SLC24A3: variants seen among roughly 807,000 people sequenced by gnomAD.
SLC24A3 encodes the protein solute carrier family 24 member 3.
In SLC24A3, 28 loss-of-function variants were observed where a neutral mutation model predicts 75.8. That is an observed-to-expected ratio of 0.37 (90% CI 0.27 to 0.51). The LOEUF is 0.51. Ranked by LOEUF, SLC24A3 falls within the 20% of genes least tolerant of loss-of-function variation. The pLI, the probability that SLC24A3 is intolerant of heterozygous loss-of-function variation, is 0.94. For synonymous variants in SLC24A3, 372 were observed against 334.1 expected (o/e 1.11, Z -1.24); for missense variants, 663 against 847.8 (o/e 0.78, Z 2.71).
intron 12 of SLC24A3, among the ~76,000 whole-genome samples, chr20:19,691,688 C>T (rs2032747013): frequency 6.6e-6 from 1 of 152,060 alleles, no homozygotes; most frequent in Non-Finnish European, 1.5e-5. Flanking sequence ...TGTCAGGTTG[C>T]CAGGGTTGGC....
chr20:19,234,805 A>G (rs7353151), intron 1 of SLC24A3, among the ~76,000 whole-genome samples: 1 of 152,326 alleles, frequency 6.6e-6, no homozygotes, highest in East Asian at 1.9e-4. Context: ...TCTGTTGCAC[A>G]GTACTGATTA....
At chr20:19,308,290 T>C (rs1379840572) in intron 2 of SLC24A3, among the ~76,000 whole-genome samples, 6 of 152,260 alleles carry the variant, frequency 3.9e-5, no homozygotes, top group Non-Finnish European at 7.3e-5. Context: ...TCTTGACTTT[T>C]AGTTTCTTCA....
chr20:19,639,672 G>A (rs1165470189), intron 6 of SLC24A3, among the ~76,000 whole-genome samples: 1 of 152,248 alleles, frequency 6.6e-6, no homozygotes, highest in Non-Finnish European at 1.5e-5. Flanking sequence ...TGGGTGCCGA[G>A]GAGCAGGGGG....
chr20:19,616,292 C>T (rs1243350423), intron 6 of SLC24A3, among the ~76,000 whole-genome samples: 1 of 152,206 alleles, frequency 6.6e-6, no homozygotes, highest in Non-Finnish European at 1.5e-5. Flanking sequence ...CCAGTGGAGC[C>T]AACAGCTTGA....
At chr20:19,535,050 C>T (rs2030371386) in intron 3 of SLC24A3, among the ~76,000 whole-genome samples, 1 of 152,114 alleles carries the variant, frequency 6.6e-6, no homozygotes, top group African/African-American at 2.4e-5. Context: ...CAAAATTGAC[C>T]ACAGAACTCT....
chr20:19,584,677 C>A (rs1036419835), intron 4 of SLC24A3, among the ~76,000 whole-genome samples: 2 of 152,184 alleles, frequency 1.3e-5, no homozygotes, highest in African/African-American at 2.4e-5. Context: ...ACCCCTAGAT[C>A]TTCCCAAGAG....
intron 2 of SLC24A3, among the ~76,000 whole-genome samples, chr20:19,435,790 A>G (rs570457604): frequency 2.0e-5 from 3 of 152,286 alleles, no homozygotes; most frequent in Non-Finnish European, 4.4e-5. Context: ...ATAACAGCTC[A>G]TGGTTATAGG....
intron 3 of SLC24A3, among the ~76,000 whole-genome samples, chr20:19,525,355 C>T (rs1258424911): frequency 1.3e-5 from 2 of 152,108 alleles, no homozygotes; most frequent in African/African-American, 4.8e-5. Flanking sequence ...GACCCTCAGA[C>T]AAGGAGGCCA....
chr20:19,401,071 C>T (rs1397024142), intron 2 of SLC24A3, among the ~76,000 whole-genome samples: 1 of 152,080 alleles, frequency 6.6e-6, no homozygotes, highest in African/African-American at 2.4e-5. Context: ...TAGAGCATGC[C>T]TGGCATTTGG....
chr20:19,308,765 C>G (rs1030946082), intron 2 of SLC24A3, among the ~76,000 whole-genome samples: 2 of 152,206 alleles, frequency 1.3e-5, no homozygotes, highest in Non-Finnish European at 2.9e-5. Flanking sequence ...CCTCATTTAT[C>G]TGGCATCGTT....
chr20:19,254,721 C>G (rs917069800), intron 1 of SLC24A3, among the ~76,000 whole-genome samples: 1 of 152,182 alleles, frequency 6.6e-6, no homozygotes, highest in African/African-American at 2.4e-5. Flanking sequence ...GGACACACAG[C>G]ATGGGCTGGG....
chr20:19,222,797 C>CTTCCTTCCTTCCTTCCTTCCTTCG (rs1981759504), intron 1 of SLC24A3, among the ~76,000 whole-genome samples: 1 of 141,374 alleles, frequency 7.1e-6, no homozygotes, highest in Non-Finnish European at 1.5e-5. Flanking sequence ...TCCTTCCTTC[C>CTTCCTTCCTTCCTTCCTTCCTTCG]TTCCTTCCTT....
At chr20:19,328,709 G>A (rs1461269940) in intron 2 of SLC24A3, among the ~76,000 whole-genome samples, 1 of 152,178 alleles carries the variant, frequency 6.6e-6, no homozygotes, top group Non-Finnish European at 1.5e-5. Context: ...GATGTGTCCT[G>A]GGTGTCCCAG....
At chr20:19,519,214 T>C (rs637027) in intron 3 of SLC24A3, among the ~76,000 whole-genome samples, 42,987 of 152,172 alleles carry the variant, frequency 0.28, 6,637 homozygotes, top group African/African-American at 0.4. Flanking sequence ...TTGCTTTGCT[T>C]CTAAGGCTTG....
chr20:19,546,157 T>TAAAAAAAAAAAAA (rs2030587273), intron 3 of SLC24A3, among the ~76,000 whole-genome samples: 1 of 10,436 alleles, frequency 9.6e-5, no homozygotes, highest in African/African-American at 4.3e-4. Flanking sequence ...AGACTCCGTC[T>TAAAAAAAAAAAAA]CAAAAAAAAA....
chr20:19,316,813 T>C (rs985532613), intron 2 of SLC24A3, among the ~76,000 whole-genome samples: 1 of 152,214 alleles, frequency 6.6e-6, no homozygotes, highest in Admixed American at 6.5e-5. Context: ...ATAGAATCTC[T>C]TGATTTCTTT....
intron 2 of SLC24A3, among the ~76,000 whole-genome samples, chr20:19,448,630 C>T (rs140246229): frequency 9.4e-4 from 143 of 152,268 alleles, no homozygotes; most frequent in African/African-American, 2.6e-3. Flanking sequence ...GATGAGGCTC[C>T]CACAGTCATG....
At chr20:19,282,016 C>G (rs1252957388) in intron 2 of SLC24A3, among the ~76,000 whole-genome samples, 8 of 152,080 alleles carry the variant, frequency 5.3e-5, no homozygotes, top group Admixed American at 5.2e-4. Flanking sequence ...GTGCCACTGT[C>G]AAGGGCCCAG....
intron 2 of SLC24A3, among the ~76,000 whole-genome samples, chr20:19,477,439 A>G (rs1987979670): frequency 6.6e-6 from 1 of 152,210 alleles, no homozygotes; most frequent in South Asian, 2.1e-4. Context: ...ATTTGGAGGC[A>G]AGCTAAGTCC....
Sources: allele counts gnomAD v4.1 joint callset (sites outside exome capture counted in the v4.1 genomes callset), GRCh38; gene constraint gnomAD v4.1.1; transcripts MANE v1.5; gene names NCBI Gene and HGNC (gene_info 2026-07-23, HGNC 2026-07-21).